Variants in SPATA6 observed in about 807,000 individuals in gnomAD.
SPATA6 encodes spermatogenesis-associated protein 6.
Under a neutral mutation model 65.3 loss-of-function variants are expected in SPATA6, and 56 were observed. The observed-to-expected ratio is 0.86, with a 90% confidence interval of 0.69 to 1.07. The LOEUF (loss-of-function observed/expected upper bound fraction) is 1.07, where lower values mean the gene tolerates loss of function less well. Among genes scored for constraint, SPATA6 ranks in the 50% least tolerant of loss-of-function variants. The probability of loss-of-function intolerance (pLI) is 0.00; values close to 1 mark genes in which losing one functional copy is unlikely to be tolerated. For missense variants in SPATA6, 590 were observed against 594.8 expected (o/e 0.99, Z 0.08); for synonymous variants, 199 against 213.2 (o/e 0.93, Z 0.58).
intron 9 of SPATA6, among the ~76,000 whole-genome samples, chr1:48,370,629 C>T (rs1037907158): frequency 1.6e-4 from 24 of 152,164 alleles, no homozygotes; most frequent in African/African-American, 5.6e-4. Flanking sequence ...GAACCCCTCC[C>T]CTCTTAGACC....
chr1:48,357,006 T>C (rs1334896816), intron 10 of SPATA6, among the ~76,000 whole-genome samples: 2 of 152,138 alleles, frequency 1.3e-5, no homozygotes, highest in Non-Finnish European at 2.9e-5. Context: ...ATAGTACATC[T>C]TGGAAATCTG....
intron 1 of SPATA6, among the ~76,000 whole-genome samples, chr1:48,455,446 G>A (rs113376448): frequency 0.058 from 8,697 of 150,974 alleles, 374 homozygotes; most frequent in African/African-American, 0.11. Context: ...ACAGTGGCAC[G>A]GTCTAGGCTC....
intron 8 of SPATA6, among the ~76,000 whole-genome samples, chr1:48,385,851 A>C (rs1649408367): frequency 6.6e-6 from 1 of 152,172 alleles, no homozygotes; most frequent in African/African-American, 2.4e-5. Context: ...AGGCCCAAGC[A>C]CCTTGGGCAT....
chr1:48,387,686 T>TA (rs1649620223), intron 8 of SPATA6, among the ~76,000 whole-genome samples: 1 of 151,890 alleles, frequency 6.6e-6, no homozygotes, highest in African/African-American at 2.4e-5. Flanking sequence ...TGCCAGACCA[T>TA]ATAGTTTGAG....
chr1:48,454,629 A>AATAGGAAATTTATG (rs1656863393), intron 1 of SPATA6, among the ~76,000 whole-genome samples: 1 of 152,150 alleles, frequency 6.6e-6, no homozygotes, highest in Non-Finnish European at 1.5e-5. Context: ...CTTGATCATA[A>AATAGGAAATTTATG]ATTTCCTGAG....
intron 3 of SPATA6, among the ~76,000 whole-genome samples, chr1:48,435,642 A>T (rs1389008853): frequency 6.6e-6 from 1 of 151,626 alleles, no homozygotes; most frequent in Non-Finnish European, 1.5e-5. Flanking sequence ...ACCAATCAGC[A>T]CTCTGGGTCT....
intron 7 of SPATA6, among the ~76,000 whole-genome samples, chr1:48,398,202 G>C (rs1650783647): frequency 6.6e-6 from 1 of 150,808 alleles, no homozygotes. Flanking sequence ...GAGAAAAGTA[G>C]TCACAATAAC....
At chr1:48,471,319 G>T (rs1007587148) in intron 1 of SPATA6, among the ~76,000 whole-genome samples, 7 of 152,178 alleles carry the variant, frequency 4.6e-5, no homozygotes, top group Admixed American at 1.3e-4. Flanking sequence ...GCAATGGCTG[G>T]CACAAAGTCG....
intron 9 of SPATA6, among the ~76,000 whole-genome samples, chr1:48,365,231 G>A (rs1460698051): frequency 5.9e-5 from 9 of 152,262 alleles, no homozygotes; most frequent in South Asian, 2.1e-4. Flanking sequence ...GTCAGGTAGC[G>A]TGGTGCCTCC....
the SPATA6 span, among the ~76,000 whole-genome samples, chr1:48,273,892 G>C: frequency 1.3e-5 from 2 of 152,120 alleles, no homozygotes; most frequent in African/African-American, 4.8e-5. Flanking sequence ...GGTATTGCTG[G>C]TTCTAGATCC....
chr1:48,455,611 A>C (rs1306364212), intron 1 of SPATA6, among the ~76,000 whole-genome samples: 1 of 152,078 alleles, frequency 6.6e-6, no homozygotes. Flanking sequence ...CAATCTCCTG[A>C]CCTTGTGATC....
chr1:48,400,269 GT>G (rs2147934484), intron 6 of SPATA6, among the ~76,000 whole-genome samples: 1 of 151,762 alleles, frequency 6.6e-6, no homozygotes, highest in Admixed American at 6.6e-5. Flanking sequence ...CTTAATTCTG[GT>G]CCCATATTTT....
intron 1 of SPATA6, among the ~76,000 whole-genome samples, chr1:48,469,391 T>A (rs1049030334): frequency 6.6e-6 from 1 of 151,730 alleles, no homozygotes; most frequent in African/African-American, 2.4e-5. Flanking sequence ...TACAGAGTGA[T>A]CTCCAGGACA....
intron 3 of SPATA6, among the ~76,000 whole-genome samples, chr1:48,445,319 C>G (rs1439868861): frequency 6.6e-6 from 1 of 152,192 alleles, no homozygotes; most frequent in African/African-American, 2.4e-5. Flanking sequence ...GCTGCCAGGG[C>G]ATCTATTCCC....
At chr1:48,285,212 A>G in the SPATA6 span, among the ~76,000 whole-genome samples, 2 of 152,132 alleles carry the variant, frequency 1.3e-5, no homozygotes, top group Non-Finnish European at 2.9e-5. Context: ...ACTTCCCGGC[A>G]GCTTTGTTTA....
the SPATA6 span, among the ~76,000 whole-genome samples, chr1:48,290,312 C>T: frequency 6.6e-6 from 1 of 152,170 alleles, no homozygotes; most frequent in African/African-American, 2.4e-5. Flanking sequence ...GAGATTTTGT[C>T]ACCACCAGGC....
At chr1:48,318,165 T>C (rs904461595) in intron 11 of SPATA6, among the ~76,000 whole-genome samples, 1 of 152,114 alleles carries the variant, frequency 6.6e-6, no homozygotes, top group Non-Finnish European at 1.5e-5. Flanking sequence ...GTTAAAAACA[T>C]ATAGTTAATA....
chr1:48,262,462 T>A, the SPATA6 span: 1 of 152,128 alleles, frequency 6.6e-6, no homozygotes, highest in South Asian at 2.1e-4. Flanking sequence ...CGTAAGTAGA[T>A]CATATAACCT....
intron 12 of SPATA6, among the ~76,000 whole-genome samples, chr1:48,299,350 C>T (rs541444038): frequency 6.6e-6 from 1 of 151,382 alleles, no homozygotes. Context: ...CCCATATCTA[C>T]TAAAAAATAC....
Sources: gnomAD v4.1 joint callset for allele counts (sites outside exome capture counted in the v4.1 genomes callset) on GRCh38, gnomAD v4.1.1 for gene constraint, MANE v1.5 for transcripts, NCBI Gene and HGNC (gene_info 2026-07-23, HGNC 2026-07-21) for gene names.